Variants in ZZEF1 observed in about 807,000 individuals in gnomAD.
ZZEF1 encodes zinc finger ZZ-type and EF-hand domain containing 1, also known as zinc finger ZZ-type and EF-hand domain-containing protein 1.
In ZZEF1, 157 loss-of-function variants were observed where a neutral mutation model predicts 342.8. The ratio of observed to expected loss-of-function variants is 0.46; its 90% CI spans 0.40 to 0.52. The LOEUF (loss-of-function observed/expected upper bound fraction) is 0.52. ZZEF1 is among the 20% of genes least tolerant of loss of function. ZZEF1 has a pLI of 0.00. For synonymous variants in ZZEF1, 1,505 were observed against 1,429.1 expected, an observed-to-expected ratio of 1.05 and a Z score of -1.20; for missense variants, 3,480 against 3,725.6, an observed-to-expected ratio of 0.93 and a Z score of 1.72.
chr17:4,033,263 C>T (rs1251355553), intron 40 of ZZEF1: 1 of 369,124 alleles, frequency 2.7e-6, no homozygotes. Flanking sequence ...CATGCACACT[C>T]ATATTCAAAC....
Position 4,087,420 on chromosome 17 carries a change from A to T in ZZEF1, c.2342+14T>A. The T allele has an allele frequency of 6.3e-7, 1 of 1,599,472 alleles. No homozygotes were observed. On this transcript the variant is annotated intron_variant, in intron 14 of 54. Coordinates refer to ENST00000381638, the MANE Select transcript of ZZEF1 (RefSeq NM_015113.4). ...GTTTATGTGCTTATCACCTTATAAC[A>T]AATTCTGACCTACTTTTGCTTTAAT... is the stretch of plus-strand genomic sequence containing the variant.
intron 16 of ZZEF1, among the ~76,000 whole-genome samples, chr17:4,082,850 A>T (rs1432455869): frequency 6.6e-6 from 1 of 152,150 alleles, no homozygotes; most frequent in Non-Finnish European, 1.5e-5. Flanking sequence ...ATCTCAGCTC[A>T]CTACAACTTC....
Position 4,033,055 on chromosome 17 carries a change from C to T in ZZEF1, c.6585-53G>A, listed in dbSNP as rs539961873. 3.5e-5 allele frequency: 53 copies of T among 1,511,088 alleles called. No individual in the cohort carries two copies. The South Asian group carries it at 5.6e-4, about 16-fold the overall frequency. 93.6% of individuals were successfully genotyped at this position (1,511,088 alleles called of 1,614,324 possible). A position where few individuals can be genotyped will look rare whatever the true frequency, so the allele number is the denominator to read the frequency against. On this transcript the variant is annotated intron_variant, in intron 40 of 54. Coordinates refer to ENST00000381638, the MANE Select transcript of ZZEF1 (RefSeq NM_015113.4). Reference sequence around the variant, plus strand: ...AGTACACAGGGCTCCAAACTCAACTCGTTAGAGCTCACTACACTCCAAGGC... The same window carrying T: ...AGTACACAGGGCTCCAAACTCAACTTGTTAGAGCTCACTACACTCCAAGGC...
At chr17:4,129,453 C>T (rs1175290736) in intron 1 of ZZEF1, among the ~76,000 whole-genome samples, 27 of 152,136 alleles carry the variant, frequency 1.8e-4, no homozygotes. Flanking sequence ...GCACTATTCA[C>T]CATAGCAAAG....
At chr17:4,052,164 G>A (rs2057062762) in intron 34 of ZZEF1, 28 bp from the exon 35 acceptor site, 1 of 1,588,016 alleles carries the variant, frequency 6.3e-7, no homozygotes. Flanking sequence ...AGTGTGAGGG[G>A]ATGAGGTAGA....
chr17:4,050,759 T>C (rs770759272), intron 36 of ZZEF1, 22 bp downstream of exon 36: 9 of 1,612,320 alleles, frequency 5.6e-6, no homozygotes, highest in South Asian at 1.1e-5. Flanking sequence ...CTGGTTTTGG[T>C]TTCTGTGCAT....
intron 1 of ZZEF1, among the ~76,000 whole-genome samples, chr17:4,139,859 C>T (rs1249870087): frequency 6.6e-6 from 1 of 152,228 alleles, no homozygotes; most frequent in African/African-American, 2.4e-5. Context: ...TGAGTTTTAG[C>T]TGAATATATG....
intron 49 of ZZEF1, among the ~76,000 whole-genome samples, chr17:4,015,037 G>C (rs759042751): frequency 6.6e-6 from 1 of 152,190 alleles, no homozygotes; most frequent in Non-Finnish European, 1.5e-5. Flanking sequence ...CTCAGACTCT[G>C]GACAACAGGG....
intron 6 of ZZEF1, among the ~76,000 whole-genome samples, chr17:4,107,914 A>C (rs1338026742): frequency 2.0e-5 from 3 of 152,234 alleles, no homozygotes; most frequent in Non-Finnish European, 1.5e-5. Context: ...ATCTTGTGTC[A>C]GAACATATGG....
At chr17:4,013,079 ACT>A (rs34825664) in intron 52 of ZZEF1, among the ~76,000 whole-genome samples, 26,812 of 146,126 alleles carry the variant, frequency 0.18, 2,516 homozygotes, top group South Asian at 0.21. Context: ...ACAGAGTGAG[ACT>A]CTGTCTCAAA....
intron 10 of ZZEF1, 38 bp from the exon 11 acceptor site, chr17:4,096,017 C>A (rs774211186): frequency 1.9e-6 from 3 of 1,557,740 alleles, no homozygotes; most frequent in South Asian, 2.4e-5. Context: ...ATCAAAGGGG[C>A]AAAAGTTCTG....
At chr17:4,119,190 T>G (rs1035421955) in intron 2 of ZZEF1, among the ~76,000 whole-genome samples, 2 of 152,254 alleles carry the variant, frequency 1.3e-5, no homozygotes, top group Non-Finnish European at 2.9e-5. Context: ...CCACATCTGG[T>G]ACAGCAGCTA....
rs1282988945 is a variant in ZZEF1 at position 4,016,512 on chromosome 17, AG to A, written c.8002-47del. On this transcript the variant is annotated intron_variant, in intron 48 of 54. Coordinates refer to ENST00000381638, the MANE Select transcript of ZZEF1 (RefSeq NM_015113.4). This position sits in a 1 kb window ranked among gnomAD's most constrained non-coding sequence, Gnocchi z 4.4. ...AAGGTCAGGGCCTGCAAGTGGCATCAGGAAGAAGGGACAGTTTACTTCAACC... is the reference window on the plus strand; with the variant it reads ...AAGGTCAGGGCCTGCAAGTGGCATCAGAAGAAGGGACAGTTTACTTCAACC... 1 of 1,570,356 alleles carries A rather than the reference AG, an allele frequency of 6.4e-7. No homozygotes were observed. Among genetic ancestry groups the A allele is most frequent in the Non-Finnish European group, 8.6e-7 (1 of 1,165,910 alleles).
At chr17:4,069,146 C>T (rs1231324118) in intron 26 of ZZEF1, among the ~76,000 whole-genome samples, 1 of 152,200 alleles carries the variant, frequency 6.6e-6, no homozygotes, top group Non-Finnish European at 1.5e-5. Context: ...CTGAACACAG[C>T]CTGAAGTTTC....
chr17:4,106,401 T>C (rs1033594278), intron 6 of ZZEF1, among the ~76,000 whole-genome samples: 1 of 150,872 alleles, frequency 6.6e-6, no homozygotes, highest in Non-Finnish European at 1.5e-5. Flanking sequence ...TAAGTAGTAC[T>C]AGAAAAACTG....
At position 4,109,776 on chromosome 17, in the gene ZZEF1, T is replaced by A. The variant is rs1442238803; in HGVS notation, c.1154A>T (p.Lys385Met). The A allele has an allele frequency of 1.9e-6, 3 of 1,614,072 alleles. No individual in the cohort carries two copies. Among genetic ancestry groups the A allele is most frequent in the Non-Finnish European group, 1.7e-6 (2 of 1,180,034 alleles). The change falls in exon 6 of 55, where the codon AAG (lysine) becomes ATG (methionine). Residue 385 changes from lysine (K) to methionine (M), a missense_variant. Physicochemically the swap from Lys to Met is moderately conservative, Grantham distance 95. Coordinates refer to ENST00000381638, the MANE Select transcript of ZZEF1 (RefSeq NM_015113.4). ...ATCTGAGACTGAGACCCCAGACTTC[T>A]TAACTCTCTGAAAGCCAACAGCCCT... ...GLRAVGFQRV[K>M]KSGVSVSDAS...
intron 12 of ZZEF1, 143 bp downstream of exon 12, chr17:4,090,576 C>G: frequency 1.5e-6 from 1 of 656,672 alleles, no homozygotes; most frequent in Non-Finnish European, 2.7e-6. Flanking sequence ...TCTTACACAT[C>G]TGTCTCTCCC....
intron 32 of ZZEF1, among the ~76,000 whole-genome samples, chr17:4,057,193 C>T (rs1006803997): frequency 7.2e-5 from 11 of 152,190 alleles, no homozygotes; most frequent in Non-Finnish European, 1.3e-4. Context: ...AGCGAGAAAC[C>T]GCGAGCAGGC....
chr17:4,097,130 G>A (rs1191699327), intron 9 of ZZEF1, among the ~76,000 whole-genome samples: 1 of 151,754 alleles, frequency 6.6e-6, no homozygotes, highest in African/African-American at 2.4e-5. Flanking sequence ...GTGTGGTGGC[G>A]GGCGCCTGTA....
Sources: gnomAD v4.1 joint callset for allele counts (sites outside exome capture counted in the v4.1 genomes callset) on GRCh38, gnomAD v4.1.1 for gene constraint, Gnocchi (gnomAD v3.1) non-coding constraint, MANE v1.5 for transcripts, NCBI Gene and HGNC (gene_info 2026-07-23, HGNC 2026-07-21) for gene names.